MYO16: variants seen among roughly 807,000 people sequenced by gnomAD.
MYO16 encodes unconventional myosin-XVI.
A neutral mutation model predicts 205.3 loss-of-function variants in MYO16; 94 were observed. The observed-to-expected ratio is 0.46, with a 90% CI of 0.39 to 0.54. The LOEUF is 0.54. Among genes scored for constraint, MYO16 ranks in the 20% least tolerant of loss-of-function variants. MYO16 has a pLI of 0.00. For missense variants in MYO16, 2,315 were observed against 2,387.5 expected, an observed-to-expected ratio of 0.97 and a Z score of 0.63; for synonymous variants, 988 against 954.0, an observed-to-expected ratio of 1.04 and a Z score of -0.66.
intron 14 of MYO16, among the ~76,000 whole-genome samples, chr13:108,896,560 T>C (rs1000219290): frequency 1.3e-5 from 2 of 152,236 alleles, no homozygotes; most frequent in Admixed American, 1.3e-4. Context: ...TCACAACTTG[T>C]AGCATTTTTT....
At position 108,953,081 on chromosome 13, in the gene MYO16, T is replaced by G. The variant is rs74420924; in HGVS notation, c.1926-4607T>G. Among the ~76,000 whole-genome samples, 1,010 of 152,232 alleles carry G rather than the reference T, an allele frequency of 6.6e-3. 10 individuals carry two copies. Among genetic ancestry groups the G allele is most frequent in the African/African-American group, 0.022 (922 of 41,530 alleles). ...CATTACCCACCATTATTCTTACCTATTTCAAACTGTTAAAAAACAAAAAAA... is the reference window on the plus strand; with the variant it reads ...CATTACCCACCATTATTCTTACCTAGTTCAAACTGTTAAAAAACAAAAAAA... On this transcript the variant is annotated intron_variant, in intron 16 of 34. Coordinates refer to ENST00000457511, the MANE Select transcript of MYO16 (RefSeq NM_001198950.3).
At chr13:108,592,525 A>G (rs1878430509), upstream of MYO16, among the ~76,000 whole-genome samples, 5 of 20,240 alleles carry the variant, frequency 2.5e-4, no homozygotes, top group Non-Finnish European at 3.7e-4. Context: ...TGTATAGGGG[A>G]TGGTGGGTGG....
intron 31 of MYO16, among the ~76,000 whole-genome samples, chr13:109,132,869 A>C (rs1876603082): frequency 6.6e-6 from 1 of 152,218 alleles, no homozygotes; most frequent in Admixed American, 6.5e-5. Context: ...GACCAGTAGG[A>C]GAGATAAGTG....
Position 109,163,469 on chromosome 13 carries a change from T to TTCCCTCCATCCCTCCCCACTCCC in MYO16, c.5165-1429_5165-1428insCTCCATCCCTCCCCACTCCCTCC, listed in dbSNP as rs1361482333. 3.1e-3 allele frequency among the ~76,000 whole-genome samples: 468 copies of TTCCCTCCATCCCTCCCCACTCCC among 148,792 alleles called. 9 individuals are homozygous for TTCCCTCCATCCCTCCCCACTCCC. The highest frequency in any genetic ancestry group is 0.029 in the East Asian group (138 of 4,734). ...ATGGAACCTTCCCTTCCTTCCTTCC[T>TTCCCTCCATCCCTCCCCACTCCC]TCCTTCCCTCCATCCCTCCCCACTC... On this transcript the variant is annotated intron_variant, in intron 32 of 34. Transcript: ENST00000457511.
At chr13:109,085,561 G>C (rs1208933343) in intron 27 of MYO16, among the ~76,000 whole-genome samples, 1 of 152,182 alleles carries the variant, frequency 6.6e-6, no homozygotes, top group Non-Finnish European at 1.5e-5. Flanking sequence ...TATCCAGAAG[G>C]AAATTCAATA....
At chr13:108,516,270 C>A in the MYO16 span, among the ~76,000 whole-genome samples, 11 of 151,540 alleles carry the variant, frequency 7.3e-5, 1 homozygote, top group South Asian at 8.4e-4. Flanking sequence ...TTCTTTGACT[C>A]GGAAAGGGAA....
chr13:109,007,539 CGTGTGTGTGTGTGTGTGTGT>C (rs71125360), intron 21 of MYO16, among the ~76,000 whole-genome samples: 8 of 133,704 alleles, frequency 6.0e-5, no homozygotes, highest in East Asian at 2.3e-4. Context: ...AGAAATCAGC[CGTGTGTGTGTGTGTGTGTGT>C]GTGTGTGTGT....
At chr13:109,090,457 C>T (rs1013517012) in intron 27 of MYO16, among the ~76,000 whole-genome samples, 3 of 152,170 alleles carry the variant, frequency 2.0e-5, no homozygotes, top group African/African-American at 2.4e-5. Flanking sequence ...TTCAAGGGCA[C>T]GGCAAGTGCC....
chr13:108,789,734 G>T (rs953936343), intron 5 of MYO16, among the ~76,000 whole-genome samples: 2 of 152,086 alleles, frequency 1.3e-5, no homozygotes, highest in Non-Finnish European at 2.9e-5. Context: ...TGGGTTAGTG[G>T]CAGTTCTATG....
chr13:109,185,060 G>A (rs867468569), intron 34 of MYO16, among the ~76,000 whole-genome samples: 2 of 152,076 alleles, frequency 1.3e-5, no homozygotes, highest in Non-Finnish European at 2.9e-5. Flanking sequence ...GTGAGCCACC[G>A]CACCTGGCTG....
the MYO16 span, among the ~76,000 whole-genome samples, chr13:108,520,443 T>C: frequency 6.6e-6 from 1 of 152,208 alleles, no homozygotes; most frequent in Non-Finnish European, 1.5e-5. Context: ...TTTTAGATAT[T>C]AGAGAATATT....
At chr13:108,759,803 C>G (rs372574592) in intron 4 of MYO16, among the ~76,000 whole-genome samples, 41 of 139,350 alleles carry the variant, frequency 2.9e-4, no homozygotes, top group Non-Finnish European at 4.4e-4. Context: ...CTGGGCGACA[C>G]AGCGAGACTC....
At chr13:109,007,990 T>C (rs1885456495) in intron 21 of MYO16, among the ~76,000 whole-genome samples, 1 of 152,206 alleles carries the variant, frequency 6.6e-6, no homozygotes, top group Non-Finnish European at 1.5e-5. Context: ...AGCTCAAATA[T>C]ATTTTCCTTT....
intron 27 of MYO16, among the ~76,000 whole-genome samples, chr13:109,084,636 T>C (rs896462076): frequency 1.3e-5 from 2 of 152,076 alleles, no homozygotes; most frequent in Non-Finnish European, 2.9e-5. Context: ...AGTATACATA[T>C]AAGTAAACAT....
At chr13:108,894,256 T>C (rs1880309517) in intron 14 of MYO16, among the ~76,000 whole-genome samples, 1 of 152,122 alleles carries the variant, frequency 6.6e-6, no homozygotes, top group South Asian at 2.1e-4. Context: ...GGGATTACAA[T>C]TCGACTCGAG....
At chr13:108,536,287 CCTT>C in the MYO16 span, among the ~76,000 whole-genome samples, 1 of 152,106 alleles carries the variant, frequency 6.6e-6, no homozygotes, top group Non-Finnish European at 1.5e-5. Context: ...ACAACTGACT[CCTT>C]CTCAGGGATT....
intron 32 of MYO16, among the ~76,000 whole-genome samples, chr13:109,148,591 A>G (rs1433384721): frequency 6.6e-6 from 1 of 152,232 alleles, no homozygotes; most frequent in Admixed American, 6.5e-5. Flanking sequence ...CCTGAGGGCC[A>G]TAAACCACTC....
intron 1 of MYO16, among the ~76,000 whole-genome samples, chr13:108,630,533 C>T (rs4772985): frequency 0.18 from 26,971 of 152,140 alleles, 2,865 homozygotes; most frequent in Non-Finnish European, 0.24. Flanking sequence ...GAGAATACTT[C>T]CATCTAAACC....
At chr13:108,674,395 C>T (rs1363460662) in intron 2 of MYO16, among the ~76,000 whole-genome samples, 1 of 151,980 alleles carries the variant, frequency 6.6e-6, no homozygotes, top group Admixed American at 6.6e-5. Flanking sequence ...TAGAAGGAGC[C>T]TGTTATAATT....
Sources: gnomAD v4.1 joint callset for allele counts (sites outside exome capture counted in the v4.1 genomes callset) on GRCh38, gnomAD v4.1.1 for gene constraint, MANE v1.5 for transcripts, NCBI Gene and HGNC (gene_info 2026-07-23, HGNC 2026-07-21) for gene names.